The following COL4A4 variants were observed in gnomAD, a reference collection of about 807,000 sequenced individuals.
COL4A4 encodes collagen alpha-4(IV) chain.
COL4A4 carries 105 observed loss-of-function variants against 192.9 expected under a neutral mutation model. The ratio of observed to expected loss-of-function variants is 0.54; its 90% CI spans 0.46 to 0.64. COL4A4 has a LOEUF of 0.64. Among genes scored for constraint, COL4A4 ranks in the 30% least tolerant of loss-of-function variants. The pLI, the probability that COL4A4 is intolerant of heterozygous loss-of-function variation, is 0.00. For synonymous variants in COL4A4, 762 were observed against 769.9 expected, an observed-to-expected ratio of 0.99 and a Z score of 0.17; for missense variants, 1,967 against 2,169.3, an observed-to-expected ratio of 0.91 and a Z score of 1.85.
chr2:227,084,134 G>A (rs139691346), intron 22 of COL4A4, among the ~76,000 whole-genome samples: 1 of 152,256 alleles, frequency 6.6e-6, no homozygotes, highest in South Asian at 2.1e-4. Flanking sequence ...AAATCATAAA[G>A]TACTAATGTA....
intron 10 of COL4A4, 159 bp from the exon 11 acceptor site, chr2:227,109,027 G>A: frequency 1.1e-6 from 1 of 910,846 alleles, no homozygotes; most frequent in South Asian, 1.3e-5. Flanking sequence ...TTTCTGTGAA[G>A]ATGATGTCAG....
intron 9 of COL4A4, 77 bp downstream of exon 9, chr2:227,111,601 C>A: frequency 6.7e-7 from 1 of 1,491,614 alleles, no homozygotes; most frequent in Non-Finnish European, 9.4e-7. Flanking sequence ...ATGTAGCTGG[C>A]TTTGCTGGGA....
chr2:227,024,798 T>A (rs1298439402), intron 43 of COL4A4, among the ~76,000 whole-genome samples: 1 of 152,374 alleles, frequency 6.6e-6, no homozygotes, highest in Admixed American at 6.5e-5. Flanking sequence ...GCTTTTCTAC[T>A]ATGGGTGACT....
rs1276670099 is a variant in COL4A4 at position 227,098,625 on chromosome 2, G to A, written c.1204+69C>T. 2.6e-6 allele frequency: 3 copies of A among 1,161,640 alleles called. No individual in the cohort carries two copies. The East Asian group carries it at 7.1e-5, about 27-fold the overall frequency. 72.0% of individuals were successfully genotyped at this position (1,161,640 alleles called of 1,614,324 possible). ...ATTCCAATATCAGCTACAGTTGAAA[G>A]CTACTGGTGCTGATGATGATGCAGG... is the stretch of plus-strand genomic sequence containing the variant. On this transcript the variant is annotated intron_variant, in intron 19 of 47. Coordinates refer to ENST00000396625, the MANE Select transcript of COL4A4 (RefSeq NM_000092.5).
At chr2:227,119,692 T>C (rs2061674027) in intron 6 of COL4A4, among the ~76,000 whole-genome samples, 3 of 148,820 alleles carry the variant, frequency 2.0e-5, no homozygotes, top group South Asian at 2.1e-4. Flanking sequence ...ATATATCTTT[T>C]ATATATGTAG....
At chr2:227,066,635 G>C in intron 25 of COL4A4, among the ~76,000 whole-genome samples, 1 of 149,864 alleles carries the variant, frequency 6.7e-6, no homozygotes, top group Non-Finnish European at 1.5e-5. Context: ...AAGTGAAGGA[G>C]AAATAAAATA....
chr2:227,155,912 G>C (rs1252685659), intron 1 of COL4A4, among the ~76,000 whole-genome samples: 1 of 152,122 alleles, frequency 6.6e-6, no homozygotes, highest in Admixed American at 6.5e-5. Context: ...TCCTTAGCAA[G>C]TTTGTAGCCC....
At chr2:227,105,985 A>T (rs1245206435) in intron 12 of COL4A4, among the ~76,000 whole-genome samples, 1 of 151,908 alleles carries the variant, frequency 6.6e-6, no homozygotes, top group East Asian at 1.9e-4. Flanking sequence ...CCAATATATC[A>T]TTACTAAAAC....
Position 227,162,262 on chromosome 2 carries a change from A to G in COL4A4, c.-102+1745T>C, listed in dbSNP as rs111444601. The stretch of plus-strand genomic sequence containing the variant: ...ACTATTACTTCCTGTTCCAAAATTG[A>G]TAAAACCAAGTCTAGTCCTCCAACA... On this transcript the variant is annotated intron_variant, in intron 1 of 47. Coordinates refer to ENST00000396625, the MANE Select transcript of COL4A4 (RefSeq NM_000092.5). Among the ~76,000 whole-genome samples, 775 of 152,344 alleles carry G rather than the reference A, an allele frequency of 5.1e-3. 10 individuals are homozygous for G. The highest frequency in any genetic ancestry group is 0.018 in the African/African-American group (740 of 41,582).
intron 3 of COL4A4, among the ~76,000 whole-genome samples, chr2:227,142,914 C>G (rs982605985): frequency 2.6e-5 from 4 of 152,152 alleles, no homozygotes; most frequent in African/African-American, 9.7e-5. Context: ...TCTTTCAACA[C>G]TGGCCCCAAG....
intron 7 of COL4A4, 59 bp from the exon 8 acceptor site, chr2:227,114,755 T>G: frequency 7.5e-7 from 1 of 1,325,162 alleles, no homozygotes; most frequent in Non-Finnish European, 1.1e-6. Flanking sequence ...TTTCAGTATT[T>G]TCTTTTCTAT....
chr2:227,141,431 T>C (rs1312973843), intron 3 of COL4A4, among the ~76,000 whole-genome samples: 1 of 152,186 alleles, frequency 6.6e-6, no homozygotes, highest in Non-Finnish European at 1.5e-5. Context: ...TGAATATATA[T>C]GTGTATATGT....
intron 4 of COL4A4, among the ~76,000 whole-genome samples, chr2:227,122,719 C>T (rs1279633296): frequency 4.6e-5 from 7 of 152,156 alleles, no homozygotes; most frequent in Non-Finnish European, 8.8e-5. Context: ...CCCAGACAAT[C>T]GCATAGCATG....
chr2:227,023,611 T>C (rs1966441752), intron 43 of COL4A4, among the ~76,000 whole-genome samples: 1 of 152,182 alleles, frequency 6.6e-6, no homozygotes, highest in Admixed American at 6.5e-5. Context: ...CAGCTAAGGC[T>C]CACTGAATGC....
chr2:227,097,221 G>T (rs1477130879), intron 19 of COL4A4, among the ~76,000 whole-genome samples: 1 of 152,164 alleles, frequency 6.6e-6, no homozygotes, highest in African/African-American at 2.4e-5. Flanking sequence ...GTGGCATCTT[G>T]CAGTATTGTC....
At chr2:227,150,233 C>T (rs2063836415) in intron 1 of COL4A4, among the ~76,000 whole-genome samples, 2 of 152,064 alleles carry the variant, frequency 1.3e-5, no homozygotes, top group Non-Finnish European at 2.9e-5. Flanking sequence ...GATAACTGGC[C>T]TTGGGAAAAG....
In COL4A4 at chr2:227,022,123, G is replaced by A. The variant is rs1303758821; in HGVS notation, c.4141C>T (p.Leu1381Phe). The change falls in exon 44 of 48, where the codon CTT becomes TTT. Residue 1381 changes from leucine to phenylalanine, a missense_variant. Leu to Phe is a conservative substitution (Grantham distance 22). Coordinates refer to ENST00000396625, the MANE Select transcript of COL4A4 (RefSeq NM_000092.5). Reference sequence around the variant, plus strand: ...CCTCTCATGCCTGGCGCCCCAGGAAGGCCTGGGATTCGGGGACAGTCATCC... The same window carrying A: ...CCTCTCATGCCTGGCGCCCCAGGAAAGCCTGGGATTCGGGGACAGTCATCC... The part of the protein sequence containing the change: ...DVDDCPRIPG[L>F]PGAPGMRGPE... The A allele has an allele frequency of 1.5e-5, 25 of 1,613,988 alleles. No individual in the cohort carries two copies. The highest frequency in any genetic ancestry group is 1.9e-5 in the Non-Finnish European group (23 of 1,179,978).
intron 22 of COL4A4, among the ~76,000 whole-genome samples, chr2:227,087,239 C>G (rs988022752): frequency 6.6e-5 from 10 of 152,226 alleles, no homozygotes; most frequent in Admixed American, 5.9e-4. Context: ...CTCATCCACT[C>G]TCTGGCATGA....
In COL4A4 at chr2:227,031,995, T is replaced by G; in HGVS notation, c.3767A>C (p.Asp1256Ala). ...ATGRAPKDIP[D>A]PGPPGDQGPP... ...TCCCTGATCTCCAGGTGGACCCGGGTCAGGAATGTCCTTAGGAGCTCTTCC... is the reference window on the plus strand; with the variant it reads ...TCCCTGATCTCCAGGTGGACCCGGGGCAGGAATGTCCTTAGGAGCTCTTCC... The change falls in exon 40 of 48, where the codon GAC becomes GCC. Residue 1256 changes from aspartate (D) to alanine (A), a missense_variant. By Grantham distance (126) the Asp-to-Ala change is moderately radical (BLOSUM62 -2). Transcript: ENST00000396625. The G allele has an allele frequency of 1.2e-6, 2 of 1,613,998 alleles. No individual in the cohort carries two copies. The highest frequency in any genetic ancestry group is 4.5e-5 in the East Asian group (2 of 44,874).
Sources: gnomAD v4.1 joint callset for allele counts (sites outside exome capture counted in the v4.1 genomes callset) on GRCh38, gnomAD v4.1.1 for gene constraint, MANE v1.5 for transcripts, NCBI Gene and HGNC (gene_info 2026-07-23, HGNC 2026-07-21) for gene names.